ZMYM6: variants seen among roughly 807,000 people sequenced by gnomAD.
The protein encoded by ZMYM6 is zinc finger MYM-type protein 6.
A neutral mutation model predicts 134.0 loss-of-function variants in ZMYM6; 90 were observed. That is an observed-to-expected ratio of 0.67 (90% CI 0.57 to 0.80). ZMYM6 has a LOEUF of 0.80. ZMYM6 is among the 30% of genes least tolerant of loss of function. The pLI is 0.00. For synonymous variants in ZMYM6, 481 were observed against 524.1 expected (o/e 0.92, Z 1.12); for missense variants, 1,362 against 1,533.9 (o/e 0.89, Z 1.87).
At chr1:35,019,265 G>A (rs752481102) in intron 4 of ZMYM6, 88 bp downstream of exon 4, 2 of 1,561,252 alleles carry the variant, frequency 1.3e-6, no homozygotes, top group South Asian at 2.3e-5. Flanking sequence ...ATGCTGAAGA[G>A]ATTTAAAGTA....
intron 11 of ZMYM6, among the ~76,000 whole-genome samples, chr1:35,007,588 A>C (rs1029268169): frequency 1.5e-4 from 23 of 151,890 alleles, no homozygotes; most frequent in African/African-American, 5.6e-4. Flanking sequence ...ACTCTGTCTC[A>C]ATAGAAAAAA....
chr1:35,008,746 A>C lies in ZMYM6; in HGVS notation c.1665+6T>G. ...AAAGCCAAAAAAAGTATATTATCAC[A>C]TTTACCTGATAAAACAGAACTGTAA... On this transcript the variant is annotated splice_donor_region_variant and intron_variant, in intron 11 of 15. Transcript: ENST00000357182. 1 of 1,611,188 alleles carries C rather than the reference A, an allele frequency of 6.2e-7. No individual in the cohort carries two copies.
At position 35,017,888 on chromosome 1, in the gene ZMYM6, A is replaced by G. The variant is rs1311332826; in HGVS notation, c.428+1465T>C. 6 of 152,334 alleles carry G rather than the reference A, an allele frequency of 3.9e-5. No homozygotes were observed. In the East Asian group the frequency reaches 1.2e-3, roughly 29 times the overall value. The allele number at this position is 152,334 out of a possible 1,614,324, so 9.4% of individuals were successfully genotyped here. ...ATGTATAAGTTGTGTTATGTTCTTT[A>G]AAATTATTTAATTTTATTTTGGTAT... On this transcript the variant is annotated intron_variant, in intron 4 of 15. Coordinates refer to ENST00000357182, the MANE Select transcript of ZMYM6 (RefSeq NM_007167.4).
chr1:34,998,151 C>T (rs573121571), intron 14 of ZMYM6, among the ~76,000 whole-genome samples: 14 of 152,102 alleles, frequency 9.2e-5, no homozygotes, highest in South Asian at 4.2e-4. Context: ...TGGTGGCACG[C>T]GCCTGTAATC....
chr1:35,023,763 A>G (rs1641354662), intron 2 of ZMYM6, among the ~76,000 whole-genome samples: 2 of 151,470 alleles, frequency 1.3e-5, no homozygotes, highest in Non-Finnish European at 2.9e-5. Flanking sequence ...CTGGGACTAC[A>G]GGCGCCCACC....
intron 14 of ZMYM6, among the ~76,000 whole-genome samples, chr1:34,998,275 T>C (rs1640820795): frequency 6.6e-6 from 1 of 152,022 alleles, no homozygotes; most frequent in South Asian, 2.1e-4. Context: ...GTCTCAAAAA[T>C]ATATATATAT....
chr1:35,028,502 T>G (rs1367141175), intron 2 of ZMYM6, among the ~76,000 whole-genome samples: 1 of 151,832 alleles, frequency 6.6e-6, no homozygotes, highest in Non-Finnish European at 1.5e-5. Flanking sequence ...CCATTGATTT[T>G]ATTTTATTTT....
In ZMYM6 at chr1:35,025,671, A is replaced by C. The variant is rs924996767; in HGVS notation, c.93+4876T>G. ...CCATTACACTATCAATTACCTTGAG[A>C]GCAGAAGTCCTATCTTTTCATCTCT... On this transcript the variant is annotated intron_variant, in intron 2 of 15. Transcript: ENST00000357182. Among the ~76,000 whole-genome samples the C allele has an allele frequency of 7.2e-5, 11 of 152,166 alleles. 1 individual carries two copies. The highest frequency in any genetic ancestry group is 1.5e-5 in the Non-Finnish European group (1 of 68,028).
chr1:35,015,743 A>AAATATAT, intron 4 of ZMYM6, among the ~76,000 whole-genome samples: 1 of 106,472 alleles, frequency 9.4e-6, no homozygotes, highest in African/African-American at 6.6e-5. Flanking sequence ...AAAAAAAAAA[A>AAATATAT]ATATATATAT....
At chr1:35,003,191 A>AG in intron 14 of ZMYM6, among the ~76,000 whole-genome samples, 1 of 151,520 alleles carries the variant, frequency 6.6e-6, no homozygotes, top group Admixed American at 6.6e-5. Flanking sequence ...AAAAAAAAAA[A>AG]AAAAAAAAAA....
rs565520707 is a variant in ZMYM6, at chr1:35,000,146, G to A, written c.1992+3822C>T. Among the ~76,000 whole-genome samples, 4 of 152,208 alleles carry A rather than the reference G, an allele frequency of 2.6e-5. No homozygotes were observed. In the East Asian group the frequency reaches 5.8e-4, roughly 22 times the overall value. ...AGATGAGGTTTCATCATGTTGCCCA[G>A]GCTGGTCTCAAACTCCTGGACTCAA... On this transcript the variant is annotated intron_variant, in intron 14 of 15. Transcript: ENST00000357182.
At chr1:34,988,962 A>C in intron 15 of ZMYM6, 27 bp from the exon 16 acceptor site, 2 of 1,591,014 alleles carry the variant, frequency 1.3e-6, no homozygotes, top group Non-Finnish European at 1.7e-6. Context: ...AATCACTGTT[A>C]TTTTCAAGAA....
At chr1:35,012,696 G>A in intron 6 of ZMYM6, 115 bp from the exon 7 acceptor site, 5 of 1,464,710 alleles carry the variant, frequency 3.4e-6, no homozygotes, top group Non-Finnish European at 4.5e-6. Context: ...AAATATTTGA[G>A]CATGATGATG....
intron 15 of ZMYM6, 93 bp downstream of exon 15, chr1:34,992,141 C>T: frequency 6.7e-7 from 1 of 1,503,448 alleles, no homozygotes; most frequent in Non-Finnish European, 9.2e-7. Flanking sequence ...ACATTTAAGA[C>T]TCTGTCAATT....
Position 35,010,538 on chromosome 1 carries a change from T to C in ZMYM6, c.1401A>G (p.Lys467=). The change falls in exon 10 of 16, where the codon AAA becomes AAG. Residue 467 remains lysine (K), a synonymous_variant. Transcript: ENST00000357182. ...TACAGTAGTCACACATTGCCACAACTTTATTTTTCTTCTTGTATTCATCAG... is the reference window on the plus strand; with the variant it reads ...TACAGTAGTCACACATTGCCACAACCTTATTTTTCTTCTTGTATTCATCAG... ...NCSDEYKKKN[K]VVAMCDYCKL... 1.2e-6 allele frequency: 2 copies of C among 1,614,086 alleles called. No individual in the cohort carries two copies. Among genetic ancestry groups the C allele is most frequent in the South Asian group, 1.1e-5 (1 of 91,046 alleles).
rs570127296 is a variant in ZMYM6 at position 34,986,370 on chromosome 1, C to G, written c.*734G>C. The G allele has an allele frequency of 6.6e-6, 1 of 152,326 alleles. No individual in the cohort carries two copies. Among genetic ancestry groups the G allele is most frequent in the Non-Finnish European group, 1.5e-5 (1 of 68,026 alleles). 9.4% of individuals were successfully genotyped at this position (152,326 alleles called of 1,614,324 possible). ...CCAGAAAGGCCCCAAGCAGGGGTCT[C>G]AAATCCCCCTGCTGCTTCCATTTAT... On this transcript the variant is annotated 3_prime_UTR_variant, in exon 16 of 16. Transcript: ENST00000357182.
chr1:35,019,381 G>C lies in ZMYM6; in HGVS notation c.400C>G (p.Pro134Ala). ...GAGCAGTTTGTGCAGGTTTTCTTGG[G>C]AGGAGGTGGCAGGCAGGCAGGTGAA... ...HSSPACLPPP[P>A]KKTCTNCSKD... Residue 134 changes from proline (P) to alanine (A), a missense_variant, in exon 4 of 16, where the codon CCC becomes GCC. Pro to Ala is a conservative substitution (Grantham distance 27). Transcript: ENST00000357182. 6.2e-7 allele frequency: 1 copy of C among 1,614,190 alleles called. No homozygotes were observed. Among genetic ancestry groups the C allele is most frequent in the South Asian group, 1.1e-5 (1 of 91,078 alleles).
chr1:34,993,135 G>A (rs9661849), intron 14 of ZMYM6, among the ~76,000 whole-genome samples: 20,182 of 146,776 alleles, frequency 0.14, 4,407 homozygotes, highest in African/African-American at 0.46. Flanking sequence ...TTTTTGAGAC[G>A]GAGTCTCACT....
Position 35,011,617 on chromosome 1 carries a change from T to A in ZMYM6, c.1062+273A>T, listed in dbSNP as rs1392015722. On this transcript the variant is annotated intron_variant, in intron 8 of 15. Transcript: ENST00000357182. ...ACCTACCCAAACCACAATCCTAGCTTCCATCTTTTTGAAGGGGAGAGACCC... is the reference window on the plus strand; with the variant it reads ...ACCTACCCAAACCACAATCCTAGCTACCATCTTTTTGAAGGGGAGAGACCC... Among the ~76,000 whole-genome samples, 5 of 152,142 alleles carry A rather than the reference T, an allele frequency of 3.3e-5. 1 individual carries two copies. In the East Asian group the frequency reaches 9.6e-4, roughly 29 times the overall value.
Sources: gnomAD v4.1 joint callset for allele counts (sites outside exome capture counted in the v4.1 genomes callset) on GRCh38, gnomAD v4.1.1 for gene constraint, MANE v1.5 for transcripts, NCBI Gene and HGNC (gene_info 2026-07-23, HGNC 2026-07-21) for gene names.